The following CDYL variants were observed in gnomAD, a reference collection of about 807,000 sequenced individuals.
CDYL encodes the protein chromodomain Y-like protein.
Under a neutral mutation model 47.3 loss-of-function variants are expected in CDYL, and 8 were observed. The ratio of observed to expected loss-of-function variants is 0.17; its 90% CI spans 0.10 to 0.31. The LOEUF is 0.31. Ranked by LOEUF, CDYL falls within the 10% of genes least tolerant of loss-of-function variation. The pLI, the probability that CDYL is intolerant of heterozygous loss-of-function variation, is 1.00. For missense variants in CDYL, 471 were observed against 701.4 expected, an observed-to-expected ratio of 0.67 and a Z score of 3.71; for synonymous variants, 266 against 265.0, an observed-to-expected ratio of 1.00 and a Z score of -0.04.
intron 2 of CDYL, among the ~76,000 whole-genome samples, chr6:4,900,810 T>G (rs1391820423): frequency 3.4e-4 from 32 of 94,068 alleles, no homozygotes; most frequent in African/African-American, 1.3e-3. Context: ...TATATATATA[T>G]ATATATATAT....
chr6:4,820,670 A>C (rs1017170526), intron 1 of CDYL, among the ~76,000 whole-genome samples: 5 of 152,176 alleles, frequency 3.3e-5, no homozygotes, highest in African/African-American at 1.2e-4. Context: ...AACTTTGAGG[A>C]GCTATATGAA....
chr6:4,924,841 T>C (rs552936360), intron 2 of CDYL, among the ~76,000 whole-genome samples: 1 of 152,242 alleles, frequency 6.6e-6, no homozygotes, highest in East Asian at 1.9e-4. Flanking sequence ...GGAAATGAGA[T>C]TAGAGGTACA....
In CDYL at chr6:4,950,459, T is replaced by TGCG. The variant is rs1264943651; in HGVS notation, c.1333-1804_1333-1802dup. 4.6e-5 allele frequency among the ~76,000 whole-genome samples: 7 copies of TGCG among 152,302 alleles called. 1 individual carries two copies. Among genetic ancestry groups the TGCG allele is most frequent in the Middle Eastern group, 3.4e-3 (1 of 294 alleles). On this transcript the variant is annotated intron_variant, in intron 5 of 6. Coordinates refer to ENST00000397588, the MANE Select transcript of CDYL (RefSeq NM_004824.4). ...AACCCCGACAGCACAGAGCACTTCG[T>TGCG]GCGGCAGCAGCACACCGGGAGTCCC...
chr6:4,930,444 T>C (rs1757999681), intron 2 of CDYL, among the ~76,000 whole-genome samples: 1 of 152,258 alleles, frequency 6.6e-6, no homozygotes. Flanking sequence ...TTCCCATCCC[T>C]GCACCTGCAC....
chr6:4,844,086 T>C (rs1760582738), intron 1 of CDYL, among the ~76,000 whole-genome samples: 2 of 152,294 alleles, frequency 1.3e-5, no homozygotes, highest in Non-Finnish European at 2.9e-5. Context: ...ACCGTGGTGA[T>C]TGTTTTTTCT....
chr6:4,715,569 G>A (rs934574182), intron 1 of CDYL, among the ~76,000 whole-genome samples: 1 of 152,136 alleles, frequency 6.6e-6, no homozygotes, highest in East Asian at 1.9e-4. Flanking sequence ...TAAATGTGTT[G>A]CTACTTTTGA....
chr6:4,710,990 T>C (rs1002550136), intron 1 of CDYL, among the ~76,000 whole-genome samples: 2 of 152,078 alleles, frequency 1.3e-5, no homozygotes, highest in East Asian at 1.9e-4. Context: ...TGCTTGACTG[T>C]AGTATTCATT....
chr6:4,737,747 G>C (rs890223144), intron 3 of CDYL, among the ~76,000 whole-genome samples: 46 of 152,012 alleles, frequency 3.0e-4, no homozygotes, highest in African/African-American at 1.0e-3. Context: ...GGATGGTCTC[G>C]ATCTCTTGAC....
At chr6:4,743,902 G>A (rs1757840919) in intron 3 of CDYL, among the ~76,000 whole-genome samples, 1 of 152,204 alleles carries the variant, frequency 6.6e-6, no homozygotes, top group African/African-American at 2.4e-5. Context: ...GTACCTGAGA[G>A]TATATGACTT....
At chr6:4,938,316 G>C (rs111902765) in intron 4 of CDYL, among the ~76,000 whole-genome samples, 1 of 151,752 alleles carries the variant, frequency 6.6e-6, no homozygotes, top group African/African-American at 2.4e-5. Flanking sequence ...CAGAGAACCA[G>C]ATAGTAGGAA....
chr6:4,768,309 C>T (rs1758287135), intron 3 of CDYL, among the ~76,000 whole-genome samples: 1 of 152,134 alleles, frequency 6.6e-6, no homozygotes, highest in South Asian at 2.1e-4. Flanking sequence ...GATTTTTCAA[C>T]AAAGAGGAAC....
chr6:4,863,655 G>A (rs1198450064), intron 1 of CDYL, among the ~76,000 whole-genome samples: 1 of 152,176 alleles, frequency 6.6e-6, no homozygotes, highest in Non-Finnish European at 1.5e-5. Context: ...AAGCCATTTT[G>A]TTCTACAAGC....
chr6:4,857,327 G>A lies in CDYL; in HGVS notation c.25-34386G>A, dbSNP rs148123635. On this transcript the variant is annotated intron_variant, in intron 1 of 6. Coordinates refer to ENST00000397588, the MANE Select transcript of CDYL (RefSeq NM_004824.4). ...TATTTCAGAATTACCCAAATTTCTG[G>A]TGAAAAGTTTTACATTAATAACAAT... Among the ~76,000 whole-genome samples, 633 of 152,278 alleles carry A rather than the reference G, an allele frequency of 4.2e-3. 1 individual carries two copies. The highest frequency in any genetic ancestry group is 0.014 in the African/African-American group (595 of 41,552).
At chr6:4,935,334 G>A (rs1003541559) in intron 2 of CDYL, among the ~76,000 whole-genome samples, 181 bp from the exon 3 acceptor site, 2 of 152,192 alleles carry the variant, frequency 1.3e-5, no homozygotes, top group Middle Eastern at 3.2e-3. Context: ...GTCAGAGCTT[G>A]AAAGAGAGCA....
chr6:4,878,876 A>G (rs1221930538), intron 1 of CDYL, among the ~76,000 whole-genome samples: 1 of 152,058 alleles, frequency 6.6e-6, no homozygotes, highest in Non-Finnish European at 1.5e-5. Context: ...GTGAACATTT[A>G]AAGGCACCAT....
intron 3 of CDYL, among the ~76,000 whole-genome samples, chr6:4,748,453 G>C (rs1324269458): frequency 1.3e-5 from 2 of 152,078 alleles, no homozygotes; most frequent in African/African-American, 4.8e-5. Flanking sequence ...GCTTGAGAAA[G>C]AGAATTCTGA....
At chr6:4,869,344 C>T (rs1761410790) in intron 1 of CDYL, among the ~76,000 whole-genome samples, 1 of 152,114 alleles carries the variant, frequency 6.6e-6, no homozygotes, top group Non-Finnish European at 1.5e-5. Flanking sequence ...GATCCACTCG[C>T]CTTGGCCTCC....
chr6:4,822,421 GA>G (rs201523879), intron 1 of CDYL, among the ~76,000 whole-genome samples: 4,073 of 152,098 alleles, frequency 0.027, 185 homozygotes, highest in African/African-American at 0.092. Flanking sequence ...AATCTGGGGG[GA>G]AAAAATCAAT....
intron 3 of CDYL, among the ~76,000 whole-genome samples, chr6:4,735,055 G>A (rs181839802): frequency 6.5e-4 from 99 of 152,312 alleles, no homozygotes; most frequent in African/African-American, 2.3e-3. Context: ...GGGAGGCCGA[G>A]GCAGGCGGAT....
Sources: gnomAD v4.1 joint callset for allele counts (sites outside exome capture counted in the v4.1 genomes callset) on GRCh38, gnomAD v4.1.1 for gene constraint, MANE v1.5 for transcripts, NCBI Gene and HGNC (gene_info 2026-07-23, HGNC 2026-07-21) for gene names.